Variants in EDA observed in about 807,000 individuals in gnomAD.
EDA encodes the protein ectodysplasin A.
Under a neutral mutation model 23.6 loss-of-function variants are expected in EDA, and 2 were observed. That is an observed-to-expected ratio of 0.08 (90% CI 0.03 to 0.27). EDA has a LOEUF of 0.27. Among genes scored for constraint, EDA ranks in the 10% least tolerant of loss-of-function variants. The pLI is 1.00. For missense variants in EDA, 229 were observed against 324.2 expected (o/e 0.71, Z 2.26); for synonymous variants, 131 against 132.0 (o/e 0.99, Z 0.05).
intron 1 of EDA, among the ~76,000 whole-genome samples, chrX:69,669,566 C>T (rs1256574699): frequency 2.7e-5 from 3 of 111,948 alleles, no homozygotes; most frequent in African/African-American, 9.7e-5. Context: ...TCGTTTTCCA[C>T]AATTTATATT....
intron 2 of EDA, among the ~76,000 whole-genome samples, chrX:69,974,305 G>T (rs769305210): frequency 3.2e-4 from 36 of 110,833 alleles, no homozygotes; most frequent in African/African-American, 1.2e-3. Context: ...ATGGGGGAAA[G>T]GAGTCACTAT....
chrX:69,618,447 G>A (rs1932057898), intron 1 of EDA, among the ~76,000 whole-genome samples: 1 of 112,007 alleles, frequency 8.9e-6, no homozygotes, highest in Admixed American at 9.4e-5. Flanking sequence ...ATAGAAGCAA[G>A]GATACTAGCT....
intron 1 of EDA, among the ~76,000 whole-genome samples, chrX:69,820,390 A>G (rs993307217): frequency 8.9e-6 from 1 of 112,289 alleles, no homozygotes; most frequent in Non-Finnish European, 1.9e-5. Context: ...AAAAATTGAC[A>G]AATGGGATCT....
At chrX:69,878,051 A>C (rs1397944788) in intron 1 of EDA, among the ~76,000 whole-genome samples, 2 of 111,756 alleles carry the variant, frequency 1.8e-5, no homozygotes, top group East Asian at 5.6e-4. Context: ...CACAGACTTG[A>C]TTCTCTCCTC....
intron 1 of EDA, among the ~76,000 whole-genome samples, chrX:69,703,224 AC>A (rs1308918960): frequency 9.0e-6 from 1 of 111,651 alleles, no homozygotes; most frequent in Non-Finnish European, 1.9e-5. Flanking sequence ...GGATTTTCGG[AC>A]CGGAGAAACC....
At chrX:69,680,330 A>G (rs1602286635) in intron 1 of EDA, among the ~76,000 whole-genome samples, 1 of 51,520 alleles carries the variant, frequency 1.9e-5, no homozygotes, top group Non-Finnish European at 2.9e-5. Flanking sequence ...GTAGATGTCT[A>G]TTAAGTCTGC....
At chrX:69,821,063 G>A (rs1265621576) in intron 1 of EDA, among the ~76,000 whole-genome samples, 1 of 111,260 alleles carries the variant, frequency 9.0e-6, no homozygotes, top group Non-Finnish European at 1.9e-5. Flanking sequence ...GCCATAAAAA[G>A]GAACAAGATC....
intron 1 of EDA, among the ~76,000 whole-genome samples, chrX:69,702,427 A>T (rs1321396189): frequency 9.0e-6 from 1 of 110,500 alleles, no homozygotes; most frequent in Non-Finnish European, 1.9e-5. Context: ...AATTGTCCTG[A>T]GGAGGGGAAG....
At chrX:69,881,876 T>C (rs1181579833) in intron 1 of EDA, among the ~76,000 whole-genome samples, 2 of 110,468 alleles carry the variant, frequency 1.8e-5, no homozygotes, top group Non-Finnish European at 3.8e-5. Flanking sequence ...GGTGCCAGGC[T>C]CTTTTTAACA....
chrX:69,990,739 G>C (rs2019575753), intron 2 of EDA, among the ~76,000 whole-genome samples: 1 of 104,683 alleles, frequency 9.6e-6, no homozygotes, highest in South Asian at 4.1e-4. Flanking sequence ...TTTTGCTAGG[G>C]CTTTTTTTTT....
At chrX:69,915,241 T>C (rs1424173375) in intron 1 of EDA, among the ~76,000 whole-genome samples, 1 of 111,690 alleles carries the variant, frequency 9.0e-6, no homozygotes, top group African/African-American at 3.3e-5. Context: ...TCCTCTGTAA[T>C]CTTAAACCCA....
intron 1 of EDA, among the ~76,000 whole-genome samples, chrX:69,791,643 G>T (rs915515125): frequency 1.8e-5 from 2 of 111,736 alleles, no homozygotes; most frequent in Admixed American, 9.5e-5. Context: ...TGCAACAATT[G>T]TATTTTTTTT....
chrX:69,665,574 T>A (rs908805180), intron 1 of EDA, among the ~76,000 whole-genome samples: 3 of 111,518 alleles, frequency 2.7e-5, no homozygotes, highest in Non-Finnish European at 5.6e-5. Context: ...CTTTCCCCAT[T>A]GTGTTCTCTT....
intron 2 of EDA, among the ~76,000 whole-genome samples, chrX:70,010,711 G>A (rs752951656): frequency 8.9e-6 from 1 of 111,965 alleles, no homozygotes; most frequent in Non-Finnish European, 1.9e-5. Flanking sequence ...AAGAAAAAAG[G>A]TTTAATGGAC....
chrX:69,653,352 T>C (rs1933169156), intron 1 of EDA, among the ~76,000 whole-genome samples: 1 of 111,788 alleles, frequency 8.9e-6, no homozygotes, highest in African/African-American at 3.3e-5. Context: ...CTGAAGTTGC[T>C]TATCAGCTTG....
At chrX:69,807,010 G>A (rs900856127) in intron 1 of EDA, among the ~76,000 whole-genome samples, 18 of 110,636 alleles carry the variant, frequency 1.6e-4, no homozygotes, top group African/African-American at 3.9e-4. Flanking sequence ...GAAATGACTC[G>A]ATTTTTTATT....
intron 7 of EDA, 70 bp downstream of exon 7, chrX:70,033,598 A>G: frequency 8.6e-7 from 1 of 1,162,605 alleles, no homozygotes; most frequent in Admixed American, 2.2e-5. Context: ...ACATAGGGGC[A>G]CTGTGGAGCC....
intron 1 of EDA, among the ~76,000 whole-genome samples, chrX:69,938,238 T>C: frequency 9.0e-6 from 1 of 111,049 alleles, no homozygotes; most frequent in East Asian, 2.9e-4. Flanking sequence ...CACACCGTGG[T>C]GCGCTGTCAC....
intron 1 of EDA, among the ~76,000 whole-genome samples, chrX:69,698,329 A>T (rs1264524065): frequency 1.8e-5 from 2 of 111,509 alleles, no homozygotes; most frequent in African/African-American, 6.5e-5. Context: ...TTCTCACTGC[A>T]GTTGGCATGC....
Sources: allele counts gnomAD v4.1 joint callset (sites outside exome capture counted in the v4.1 genomes callset), GRCh38; gene constraint gnomAD v4.1.1; transcripts MANE v1.5; gene names NCBI Gene and HGNC (gene_info 2026-07-23, HGNC 2026-07-21).